Variants in FHIT observed in about 807,000 individuals in gnomAD.
FHIT encodes bis(5'-adenosyl)-triphosphatase.
A neutral mutation model predicts 17.9 loss-of-function variants in FHIT; 19 were observed. That is an observed-to-expected ratio of 1.06 (90% CI 0.74 to 1.56). FHIT has a LOEUF of 1.56. FHIT is among the 40% of genes most tolerant of loss of function. The pLI is 0.00. For synonymous variants in FHIT, 81 were observed against 69.7 expected, an observed-to-expected ratio of 1.16 and a Z score of -0.81; for missense variants, 248 against 189.2, an observed-to-expected ratio of 1.31 and a Z score of -1.82.
intron 5 of FHIT, among the ~76,000 whole-genome samples, chr3:60,072,775 T>C (rs1374047711): frequency 1.3e-5 from 2 of 152,238 alleles, no homozygotes; most frequent in African/African-American, 2.4e-5. Context: ...ATTGACAGTA[T>C]CTATGAAGCT....
chr3:60,282,774 G>C (rs1264412026), intron 5 of FHIT, among the ~76,000 whole-genome samples: 2 of 152,028 alleles, frequency 1.3e-5, no homozygotes, highest in Non-Finnish European at 1.5e-5. Context: ...AAAAAATAAA[G>C]TATTTTAATT....
At chr3:60,190,713 A>G (rs914116690) in intron 5 of FHIT, among the ~76,000 whole-genome samples, 1 of 152,154 alleles carries the variant, frequency 6.6e-6, no homozygotes, top group Non-Finnish European at 1.5e-5. Context: ...ATGTATACAT[A>G]TGTAACTAAC....
At chr3:61,179,496 G>T (rs1372436916) in intron 2 of FHIT, among the ~76,000 whole-genome samples, 1 of 151,864 alleles carries the variant, frequency 6.6e-6, no homozygotes, top group East Asian at 1.9e-4. Context: ...ATTGCTCGAG[G>T]GCAGGGGTTC....
chr3:60,632,328 A>G lies in FHIT; in HGVS notation c.-17-95349T>C, dbSNP rs782134378. Among the ~76,000 whole-genome samples, 35 of 152,278 alleles carry G rather than the reference A, an allele frequency of 2.3e-4. 1 individual carries two copies. Among genetic ancestry groups the G allele is most frequent in the Admixed American group, 1.6e-3 (24 of 15,294 alleles). On this transcript the variant is annotated intron_variant, in intron 4 of 9. Transcript: ENST00000492590. ...AAGGATCAGGTTTTCCACAGAAACT[A>G]CTTTTAGCACATGCTGTGTTTCTAC...
At chr3:60,175,094 T>G (rs1033097493) in intron 5 of FHIT, among the ~76,000 whole-genome samples, 1 of 152,156 alleles carries the variant, frequency 6.6e-6, no homozygotes, top group African/African-American at 2.4e-5. Flanking sequence ...TTATCTTCTG[T>G]GACGATGACA....
chr3:59,997,125 A>G (rs1699545833), intron 7 of FHIT, among the ~76,000 whole-genome samples: 1 of 152,172 alleles, frequency 6.6e-6, no homozygotes, highest in African/African-American at 2.4e-5. Context: ...GGATGCCCTC[A>G]TGTGATTCTA....
At chr3:61,054,566 T>C (rs2034147055) in intron 2 of FHIT, among the ~76,000 whole-genome samples, 1 of 152,186 alleles carries the variant, frequency 6.6e-6, no homozygotes, top group African/African-American at 2.4e-5. Context: ...ATGTTTTTGA[T>C]TTGTGACTCA....
intron 4 of FHIT, among the ~76,000 whole-genome samples, chr3:60,821,238 A>G (rs555237283): frequency 6.6e-6 from 1 of 152,300 alleles, no homozygotes; most frequent in South Asian, 2.1e-4. Flanking sequence ...GGCCTCCCAA[A>G]GTGCTGGGAT....
intron 2 of FHIT, among the ~76,000 whole-genome samples, chr3:61,127,700 A>G (rs2036648597): frequency 6.7e-6 from 1 of 149,748 alleles, no homozygotes; most frequent in Non-Finnish European, 1.5e-5. Context: ...CCCCATCTCT[A>G]CTAAAGATAC....
rs60361063 is a variant in FHIT at position 59,788,881 on chromosome 3, G to GTTTTTTTTTTTTTTTTTTTTTTTTT, written c.349-36561_349-36560insAAAAAAAAAAAAAAAAAAAAAAAAA. Reference sequence around the variant, plus strand: ...ACCACGTTCTTTGCTGAGTTCATATGTTTTTTTTTTTTACCCCATCTCCAA... The same window carrying GTTTTTTTTTTTTTTTTTTTTTTTTT: ...ACCACGTTCTTTGCTGAGTTCATATGTTTTTTTTTTTTTTTTTTTTTTTTTTTTTTTTTTTTTACCCCATCTCCAA... On this transcript the variant is annotated intron_variant, in intron 8 of 9. Transcript: ENST00000492590. Among the ~76,000 whole-genome samples, 103 of 86,824 alleles carry GTTTTTTTTTTTTTTTTTTTTTTTTT rather than the reference G, an allele frequency of 1.2e-3. 31 individuals are homozygous for GTTTTTTTTTTTTTTTTTTTTTTTTT. The highest frequency in any genetic ancestry group is 2.3e-3 in the African/African-American group (51 of 21,850). 57.0% of individuals were successfully genotyped at this position (86,824 alleles called of 152,430 possible).
intron 4 of FHIT, among the ~76,000 whole-genome samples, chr3:60,790,236 G>A (rs529761719): frequency 6.6e-6 from 1 of 152,096 alleles, no homozygotes; most frequent in African/African-American, 2.4e-5. Context: ...CAAAGTCAAC[G>A]GCAGGTCCCA....
At chr3:60,731,431 A>C (rs1308133767) in intron 4 of FHIT, among the ~76,000 whole-genome samples, 4 of 152,160 alleles carry the variant, frequency 2.6e-5, no homozygotes, top group African/African-American at 9.7e-5. Context: ...TGAGAGATCG[A>C]GTGCATGGTT....
chr3:61,088,284 T>A (rs1377704508), intron 2 of FHIT, among the ~76,000 whole-genome samples: 45 of 152,272 alleles, frequency 3.0e-4, no homozygotes, highest in Non-Finnish European at 1.5e-5. Flanking sequence ...TAAGATGGGC[T>A]CTCTCTAAAA....
intron 4 of FHIT, among the ~76,000 whole-genome samples, chr3:60,745,775 C>G (rs1466372081): frequency 6.6e-6 from 1 of 152,128 alleles, no homozygotes. Flanking sequence ...AAGAGTGGTA[C>G]TAACTGTAAT....
At chr3:59,965,294 C>T (rs1323335878) in intron 7 of FHIT, among the ~76,000 whole-genome samples, 9 of 152,008 alleles carry the variant, frequency 5.9e-5, no homozygotes, top group Admixed American at 5.9e-4. Context: ...AATACAGACT[C>T]CACTCAGGAG....
chr3:60,180,521 T>C (rs1158462827), intron 5 of FHIT, among the ~76,000 whole-genome samples: 1 of 152,176 alleles, frequency 6.6e-6, no homozygotes, highest in East Asian at 1.9e-4. Flanking sequence ...AAGACTATTT[T>C]TCTAGTCTTC....
chr3:60,360,643 G>C (rs773494282), intron 5 of FHIT, among the ~76,000 whole-genome samples: 50 of 152,224 alleles, frequency 3.3e-4, no homozygotes, highest in Middle Eastern at 3.4e-3. Context: ...ATATTTAATA[G>C]GCATGCAAAT....
intron 2 of FHIT, among the ~76,000 whole-genome samples, chr3:61,176,774 T>C (rs2038168626): frequency 6.6e-6 from 1 of 152,172 alleles, no homozygotes; most frequent in Non-Finnish European, 1.5e-5. Context: ...AGGGTCCCTG[T>C]TGCATGGGCC....
At chr3:60,850,915 T>A (rs1315464802) in intron 3 of FHIT, among the ~76,000 whole-genome samples, 3 of 152,108 alleles carry the variant, frequency 2.0e-5, no homozygotes, top group African/African-American at 7.2e-5. Context: ...TAAGTGAATG[T>A]CCCCACATAC....
Sources: allele counts gnomAD v4.1 joint callset (sites outside exome capture counted in the v4.1 genomes callset), GRCh38; gene constraint gnomAD v4.1.1; transcripts MANE v1.5; gene names NCBI Gene and HGNC (gene_info 2026-07-23, HGNC 2026-07-21).